PRKAR1A: variants seen among roughly 807,000 people sequenced by gnomAD.
The protein encoded by PRKAR1A is cAMP-dependent protein kinase type I-alpha regulatory subunit.
PRKAR1A carries 3 observed loss-of-function variants against 52.0 expected under a neutral mutation model. The ratio of observed to expected loss-of-function variants is 0.06; its 90% confidence interval spans 0.03 to 0.15. The LOEUF (loss-of-function observed/expected upper bound fraction) is 0.15, where lower values mean the gene tolerates loss of function less well. Ranked by LOEUF, PRKAR1A falls within the 10% of genes least tolerant of loss-of-function variation. The probability of loss-of-function intolerance (pLI) is 1.00; values close to 1 mark genes in which losing one functional copy is unlikely to be tolerated. For synonymous variants in PRKAR1A, 188 were observed against 168.4 expected (o/e 1.12, Z -0.90); for missense variants, 240 against 477.4 (o/e 0.50, Z 4.63).
chr17:68,523,292 C>T (rs946988402), intron 3 of PRKAR1A, among the ~76,000 whole-genome samples: 7 of 152,144 alleles, frequency 4.6e-5, no homozygotes, highest in Admixed American at 1.3e-4. Flanking sequence ...CCTGTGTTCT[C>T]CTCTTCCTCA....
At chr17:68,480,760 G>A in the PRKAR1A span, among the ~76,000 whole-genome samples, 2 of 152,166 alleles carry the variant, frequency 1.3e-5, no homozygotes, top group African/African-American at 4.8e-5. Context: ...ATGTTCCCCA[G>A]GCTGGTCTCG....
the PRKAR1A span, chr17:68,429,013 C>T: frequency 2.8e-6 from 3 of 1,078,854 alleles, no homozygotes; most frequent in South Asian, 2.7e-5. Context: ...CAAAGCCCCC[C>T]TCACCCTAGC....
At chr17:68,537,671 G>T (rs139620139), downstream of PRKAR1A, 88 of 1,613,644 alleles carry the variant, frequency 5.5e-5, no homozygotes, top group African/African-American at 1.1e-3. This position sits in a 1 kb window ranked among gnomAD's most constrained non-coding sequence, Gnocchi z 4.2. Context: ...AGTGATTCTC[G>T]CATCACATCG....
chr17:68,473,761 T>G, the PRKAR1A span, among the ~76,000 whole-genome samples: 2 of 152,154 alleles, frequency 1.3e-5, no homozygotes, highest in African/African-American at 4.8e-5. Flanking sequence ...GACTTTGTGA[T>G]CCGCCCACCT....
At chr17:68,444,430 G>C in the PRKAR1A span, 1 of 1,472,834 alleles carries the variant, frequency 6.8e-7, no homozygotes, top group Non-Finnish European at 9.4e-7. Flanking sequence ...GGAAAATAAA[G>C]CTTGGGAAAG....
chr17:68,461,667 C>G, the PRKAR1A span, among the ~76,000 whole-genome samples: 7 of 152,246 alleles, frequency 4.6e-5, no homozygotes, highest in African/African-American at 1.4e-4. The surrounding 1 kb of genome is among the most constrained non-coding windows in gnomAD (Gnocchi z 4.6). Flanking sequence ...GAACTGAGAA[C>G]GAGTTGAACT....
chr17:68,459,498 G>A, the PRKAR1A span, among the ~76,000 whole-genome samples: 1 of 152,232 alleles, frequency 6.6e-6, no homozygotes, highest in Non-Finnish European at 1.5e-5. Context: ...AACTTGGCCA[G>A]GGTGTGCAGA....
chr17:68,466,266 T>C, the PRKAR1A span, among the ~76,000 whole-genome samples: 8 of 152,298 alleles, frequency 5.3e-5, no homozygotes, highest in East Asian at 1.5e-3. Flanking sequence ...ATAGGGATTT[T>C]TGTTTCTGCT....
At chr17:68,456,989 ACTGT>A in the PRKAR1A span, among the ~76,000 whole-genome samples, 2 of 152,082 alleles carry the variant, frequency 1.3e-5, no homozygotes, top group Non-Finnish European at 2.9e-5. Flanking sequence ...TCTTTTGGCC[ACTGT>A]CTCTCTTCCC....
the PRKAR1A span, among the ~76,000 whole-genome samples, chr17:68,427,793 C>T: frequency 6.6e-6 from 1 of 152,348 alleles, no homozygotes; most frequent in African/African-American, 2.4e-5. Context: ...GCAAGGAGAG[C>T]AGCCATCGGT....
rs577118650 is a variant in PRKAR1A, at chr17:68,547,898, C to G, written c.974-3186C>G. On this transcript the variant is annotated intron_variant, in intron 11 of 11. Coordinates refer to the PRKAR1A transcript ENST00000585981. ...TAGCTTTTGGCTTATTGGCTTTCAA[C>G]GTGCCTTCCTTACTAGCCTCCTGAA... is the stretch of plus-strand genomic sequence containing the variant. Among the ~76,000 whole-genome samples, 3 of 152,150 alleles carry G rather than the reference C, an allele frequency of 2.0e-5. No individual in the cohort carries two copies. The South Asian group carries it at 6.2e-4, about 32-fold the overall frequency.
the PRKAR1A span, among the ~76,000 whole-genome samples, chr17:68,496,772 T>G: frequency 1.3e-5 from 2 of 151,778 alleles, no homozygotes; most frequent in Non-Finnish European, 2.9e-5. Flanking sequence ...GTCAACAAAT[T>G]TGGATCTATC....
At chr17:68,526,622 CATAG>C (rs1226806471) in intron 7 of PRKAR1A, among the ~76,000 whole-genome samples, 1 of 152,166 alleles carries the variant, frequency 6.6e-6, no homozygotes, top group African/African-American at 2.4e-5. Flanking sequence ...TTCGCAGCAA[CATAG>C]ATAGAGCTGG....
the PRKAR1A span, chr17:68,433,378 A>C: frequency 4.2e-6 from 5 of 1,202,282 alleles, no homozygotes; most frequent in Non-Finnish European, 2.4e-6. Context: ...TTGGGTGTTC[A>C]GAAAGAAAAG....
intron 11 of PRKAR1A, among the ~76,000 whole-genome samples, chr17:68,543,280 G>A (rs2086392239): frequency 6.6e-6 from 1 of 152,168 alleles, no homozygotes; most frequent in Non-Finnish European, 1.5e-5. Context: ...TTAGGAATGT[G>A]CTTTCACCTA....
intron 2 of PRKAR1A, 121 bp from the exon 3 acceptor site, chr17:68,522,635 A>G: frequency 8.9e-7 from 1 of 1,121,180 alleles, no homozygotes; most frequent in East Asian, 2.5e-5. Flanking sequence ...TTTTCCTCTT[A>G]ACTTACATTG....
the PRKAR1A span, among the ~76,000 whole-genome samples, chr17:68,431,118 G>A: frequency 6.6e-6 from 1 of 152,192 alleles, no homozygotes; most frequent in Non-Finnish European, 1.5e-5. Flanking sequence ...ACAAAGAGGT[G>A]TACGATCCAG....
the PRKAR1A span, among the ~76,000 whole-genome samples, chr17:68,492,248 G>T: frequency 2.0e-5 from 3 of 152,180 alleles, no homozygotes; most frequent in Admixed American, 2.0e-4. Context: ...AGGCAGTGCG[G>T]GTTCTTGGGA....
At position 68,532,170 on chromosome 17, in the gene PRKAR1A, T is replaced by A; in HGVS notation, c.*1721T>A. The A allele has an allele frequency of 1.9e-6, 2 of 1,048,668 alleles. No homozygotes were observed. The highest frequency in any genetic ancestry group is 2.3e-6 in the Non-Finnish European group (2 of 864,078). The allele number at this position is 1,048,668 out of a possible 1,614,324, so 65.0% of individuals were successfully genotyped here. A position where few individuals can be genotyped will look rare whatever the true frequency, so the allele number is the denominator to read the frequency against. On this transcript the variant is annotated 3_prime_UTR_variant, in exon 11 of 11. Coordinates refer to ENST00000589228, the MANE Select transcript of PRKAR1A (RefSeq NM_002734.5). ...ATCTATATTAAATGAGGGTTTCTGATCTGTACTTTGTGTTTAGCTACCTTT... is the reference window on the plus strand; with the variant it reads ...ATCTATATTAAATGAGGGTTTCTGAACTGTACTTTGTGTTTAGCTACCTTT...
Sources: gnomAD v4.1 joint callset for allele counts (sites outside exome capture counted in the v4.1 genomes callset) on GRCh38, gnomAD v4.1.1 for gene constraint, Gnocchi (gnomAD v3.1) non-coding constraint, MANE v1.5 for transcripts, NCBI Gene and HGNC (gene_info 2026-07-23, HGNC 2026-07-21) for gene names.